The following SBF1 variants were observed in gnomAD, a reference collection of about 807,000 sequenced individuals.
SBF1 encodes myotubularin-related protein 5.
Under a neutral mutation model 215.8 loss-of-function variants are expected in SBF1, and 65 were observed. The observed-to-expected ratio is 0.30, with a 90% confidence interval of 0.25 to 0.37. The LOEUF (loss-of-function observed/expected upper bound fraction) is 0.37. Ranked by LOEUF, SBF1 falls within the 10% of genes least tolerant of loss-of-function variation. The pLI, the probability that SBF1 is intolerant of heterozygous loss-of-function variation, is 1.00. For synonymous variants in SBF1, 1,410 were observed against 1,122.8 expected, an observed-to-expected ratio of 1.26 and a Z score of -5.11; for missense variants, 2,634 against 2,667.8, an observed-to-expected ratio of 0.99 and a Z score of 0.28.
Position 50,454,819 on chromosome 22 carries a change from C to A in SBF1, c.4807G>T (p.Ala1603Ser). The change falls in exon 35 of 41, where the codon GCA becomes TCA. Residue 1603 changes from alanine (A) to serine (S), a missense_variant. Coordinates refer to ENST00000380817, the MANE Select transcript of SBF1 (RefSeq NM_002972.4). ...CGACCCAGGCCCCAGCTTACCTCTG[C>A]GTCCTCGGGCGCATACATGTAATTG... Reference protein sequence around the residue: ...FHNYMYAPEDAEVLRPYSNVS... With the variant: ...FHNYMYAPEDSEVLRPYSNVS... 1 of 1,613,844 alleles carries A rather than the reference C, an allele frequency of 6.2e-7. No individual in the cohort carries two copies. Among genetic ancestry groups the A allele is most frequent in the Non-Finnish European group, 8.5e-7 (1 of 1,179,908 alleles).
Position 50,467,368 on chromosome 22 carries a change from C to T in SBF1, c.519G>A (p.Thr173=), listed in dbSNP as rs760371445. 8.7e-6 allele frequency: 14 copies of T among 1,614,030 alleles called. No homozygotes were observed. The highest frequency in any genetic ancestry group is 2.7e-5 in the African/African-American group (2 of 74,940). ...CLENVIGNLL[T]CTVPLAGGSQ... ...AGCCCCCAGCCAGGGGCACAGTGCA[C>T]GTCAGCAGGTTCCCAATCACGTTCT... The change falls in exon 5 of 41, where the codon ACG becomes ACA. Residue 173 remains threonine, a synonymous_variant. Transcript: ENST00000380817.
Position 50,446,634 on chromosome 22 carries a change from CAA to C in SBF1, c.*506_*507del. The C allele has an allele frequency of 5.6e-6, 2 of 354,618 alleles. No individual in the cohort carries two copies. The highest frequency in any genetic ancestry group is 4.3e-5 in the South Asian group (2 of 46,644). The allele number at this position is 354,618 out of a possible 1,614,324, so 22.0% of individuals were successfully genotyped here. On this transcript the variant is annotated 3_prime_UTR_variant, in exon 41 of 41. Transcript: ENST00000380817. ...CCTCCTGCTCGATCCGCCCCCAGAG[CAA>C]AGTCACTCCCAGGGACATGCAGGCC...
rs1440815291 is a variant in SBF1, at chr22:50,466,692, C to A, written c.568G>T (p.Ala190Ser). 6 of 1,541,040 alleles carry A rather than the reference C, an allele frequency of 3.9e-6. No homozygotes were observed. Among genetic ancestry groups the A allele is most frequent in the Non-Finnish European group, 5.3e-6 (6 of 1,140,606 alleles). The change falls in exon 6 of 41, where the codon GCT becomes TCT. Residue 190 changes from alanine to serine, a missense_variant. By Grantham distance (99) the Ala-to-Ser change is moderately conservative. Transcript: ENST00000380817. The part of the protein sequence containing the change: ...GGSQRTISLG[A>S]GDRQVIQTPL... ...GTCTGGATGACCTGCCGGTCACCAG[C>A]CCCCAAAGAGATCGTCCTCTGCAGC...
At chr22:50,449,946 A>G (rs980475275) in intron 36 of SBF1, among the ~76,000 whole-genome samples, 13 of 152,286 alleles carry the variant, frequency 8.5e-5, no homozygotes, top group East Asian at 3.9e-4. Context: ...ATGGGACCAC[A>G]TAAGATGGGC....
intron 2 of SBF1, 23 bp downstream of exon 2, chr22:50,468,353 G>A (rs772391762): frequency 2.1e-5 from 33 of 1,607,996 alleles, no homozygotes; most frequent in Middle Eastern, 1.7e-4. Flanking sequence ...TGCCAGCACC[G>A]TCTCAGCACG....
chr22:50,457,957 GC>G (rs2067323709), intron 28 of SBF1, among the ~76,000 whole-genome samples: 1 of 152,350 alleles, frequency 6.6e-6, no homozygotes, highest in East Asian at 1.9e-4. Context: ...TGAGGACGCA[GC>G]ACCAGCCTGC....
At chr22:50,464,037 C>T (rs1046833417) in intron 15 of SBF1, among the ~76,000 whole-genome samples, 1 of 152,156 alleles carries the variant, frequency 6.6e-6, no homozygotes, top group Non-Finnish European at 1.5e-5. Context: ...ATGGGCCTAC[C>T]CAATTTAAGG....
Position 50,467,645 on chromosome 22 carries a change from C to G in SBF1, c.325G>C (p.Asp109His), listed in dbSNP as rs781132424. ...EDATEREEEG[D>H]EGGQTHLSPT... ...GACAGGTGGGTCTGGCCTCCCTCAT[C>G]CCCCTCTTCCTCCCTCTCTGTGGCA... The change falls in exon 4 of 41, where the codon GAT (aspartate) becomes CAT (histidine). Residue 109 changes from aspartate to histidine, a missense_variant. By Grantham distance (81) the Asp-to-His change is moderately conservative. Coordinates refer to ENST00000380817, the MANE Select transcript of SBF1 (RefSeq NM_002972.4). The G allele has an allele frequency of 6.2e-7, 1 of 1,613,858 alleles. No homozygotes were observed. Among genetic ancestry groups the G allele is most frequent in the Non-Finnish European group, 8.5e-7 (1 of 1,179,956 alleles).
At position 50,447,597 on chromosome 22, in the gene SBF1, G is replaced by A; in HGVS notation, c.5376C>T (p.Gly1792=). Residue 1792 remains glycine, a synonymous_variant, in exon 39 of 41, where the codon GGC becomes GGT. Coordinates refer to ENST00000380817, the MANE Select transcript of SBF1 (RefSeq NM_002972.4). ...TGAAGGCCCCCTTCTTGTACAGAGT[G>A]CCCTCGTAGGACCTGCATTTCCAGC... ...TAESENRSYE[G]TLYKKGAFMK... is the part of the protein sequence containing the mutation. The A allele has an allele frequency of 1.9e-6, 3 of 1,610,362 alleles. No individual in the cohort carries two copies. The highest frequency in any genetic ancestry group is 4.2e-4 in the Middle Eastern group (2 of 4,772).
Position 50,454,574 on chromosome 22 carries a change from C to A in SBF1, c.4981G>T (p.Val1661Leu). The A allele has an allele frequency of 6.2e-7, 1 of 1,611,670 alleles. No individual in the cohort carries two copies. The highest frequency in any genetic ancestry group is 8.5e-7 in the Non-Finnish European group (1 of 1,179,626). Reference sequence around the variant, plus strand: ...GGGCAGCTGTCGTAACAGGGCCACACCACGCGGCGCCTGCTCTGGGGAGCG... The same window carrying A: ...GGGCAGCTGTCGTAACAGGGCCACAACACGCGGCGCCTGCTCTGGGGAGCG... The part of the protein sequence containing the change: ...GGAPQSRRRV[V>L]WPCYDSCPRA... Residue 1661 changes from valine to leucine, a missense_variant, in exon 36 of 41, where the codon GTG becomes TTG. By Grantham distance (32) the Val-to-Leu change is conservative (BLOSUM62 1). Coordinates refer to ENST00000380817, the MANE Select transcript of SBF1 (RefSeq NM_002972.4).
chr22:50,473,379 G>C (rs1282300918), intron 1 of SBF1, among the ~76,000 whole-genome samples: 1 of 152,122 alleles, frequency 6.6e-6, no homozygotes, highest in Non-Finnish European at 1.5e-5. Context: ...AGGTGCCTCG[G>C]TGCAGACAGC....
rs771828627 is a variant in SBF1, at chr22:50,466,279, G to A, written c.789-21C>T. On this transcript the variant is annotated intron_variant, in intron 7 of 40. Transcript: ENST00000380817. ...TGAAGCTGTGCAGGCCCCAGAGGAT[G>A]CAGTGAGCCAGGGGACGCGGCTGGG... 7 of 1,613,308 alleles carry A rather than the reference G, an allele frequency of 4.3e-6. No homozygotes were observed. The South Asian group carries it at 7.7e-5, about 18-fold the overall frequency.
chr22:50,461,172 G>A lies in SBF1; in HGVS notation c.2954C>T (p.Ser985Phe). Residue 985 changes from serine (S) to phenylalanine (F), a missense_variant, in exon 23 of 41, where the codon TCC becomes TTC. Physicochemically the swap from Ser to Phe is radical, Grantham distance 155. Coordinates refer to ENST00000380817, the MANE Select transcript of SBF1 (RefSeq NM_002972.4). ...QLLQDGLQLR[S>F]CTFQLLKMAF... ...ACCGCGCCCCACCTGGAATGTGCAG[G>A]AGCGCAGCTGGAGCCCGTCCTGCAG... 1 of 1,607,062 alleles carries A rather than the reference G, an allele frequency of 6.2e-7. No individual in the cohort carries two copies. Among genetic ancestry groups the A allele is most frequent in the Non-Finnish European group, 8.5e-7 (1 of 1,176,164 alleles).
Position 50,467,620 on chromosome 22 carries a change from G to C in SBF1, c.350C>G (p.Ser117Cys), listed in dbSNP as rs1569514103. The change falls in exon 4 of 41, where the codon TCT (serine) becomes TGT (cysteine). Residue 117 changes from serine to cysteine, a missense_variant. By Grantham distance (112) the Ser-to-Cys change is moderately radical (BLOSUM62 -1). Transcript: ENST00000380817. ...EGDEGGQTHL[S>C]PTAPAPSAQL... ...GGCAGATGGGGCAGGTGCTGTGGGA[G>C]ACAGGTGGGTCTGGCCTCCCTCATC... 2 of 1,614,020 alleles carry C rather than the reference G, an allele frequency of 1.2e-6. No individual in the cohort carries two copies. The highest frequency in any genetic ancestry group is 1.3e-5 in the African/African-American group (1 of 75,008).
At chr22:50,465,671 G>A in intron 10 of SBF1, 92 bp downstream of exon 10, 1 of 1,226,304 alleles carries the variant, frequency 8.2e-7, no homozygotes, top group Non-Finnish European at 1.1e-6. Flanking sequence ...GGCCAGCCTG[G>A]GGGTGGGGCC....
Position 50,464,706 on chromosome 22 carries a change from C to T in SBF1, c.1464G>A (p.Lys488=), listed in dbSNP as rs1180089266. ...GGCTGCTCTCACCGGGCCTCTGTAC[C>T]TTGTGCATCGCCACGGCTGGGTACG... ...ENPYPAVAMH[K]VQRPGESSHL... Residue 488 remains lysine (K), a synonymous_variant, in exon 14 of 41, where the codon AAG becomes AAA. Transcript: ENST00000380817. 4 of 1,607,442 alleles carry T rather than the reference C, an allele frequency of 2.5e-6. No homozygotes were observed. Among genetic ancestry groups the T allele is most frequent in the South Asian group, 1.1e-5 (1 of 90,894 alleles).
At chr22:50,468,910 C>T (rs1281175603) in intron 1 of SBF1, among the ~76,000 whole-genome samples, 1 of 152,142 alleles carries the variant, frequency 6.6e-6, no homozygotes, top group African/African-American at 2.4e-5. Flanking sequence ...GGACTCAAAC[C>T]TGCTGTCTGT....
rs1338105727 is a variant in SBF1, at chr22:50,459,367, G to A, written c.3714C>T (p.Ser1238=). 5 of 1,612,456 alleles carry A rather than the reference G, an allele frequency of 3.1e-6. No individual in the cohort carries two copies. The highest frequency in any genetic ancestry group is 4.5e-5 in the East Asian group (2 of 44,856). ...CCTGCAGGTACTTCTCCTGCTCCAGGCTACTCGAGTCCGCCTGGGACTGGC... is the reference window on the plus strand; with the variant it reads ...CCTGCAGGTACTTCTCCTGCTCCAGACTACTCGAGTCCGCCTGGGACTGGC... ...SPGQSQADSS[S]LEQEKYLQAV... The change falls in exon 28 of 41, where the codon AGC becomes AGT. Residue 1238 remains serine, a synonymous_variant. Coordinates refer to ENST00000380817, the MANE Select transcript of SBF1 (RefSeq NM_002972.4).
Position 50,462,436 on chromosome 22 carries a change from G to C in SBF1, c.2165C>G (p.Ser722Cys). 1 of 1,613,984 alleles carries C rather than the reference G, an allele frequency of 6.2e-7. No homozygotes were observed. The highest frequency in any genetic ancestry group is 8.5e-7 in the Non-Finnish European group (1 of 1,179,994). Residue 722 changes from serine (S) to cysteine (C), a missense_variant, in exon 19 of 41, where the codon TCT (serine) becomes TGT (cysteine). By Grantham distance (112) the Ser-to-Cys change is moderately radical (BLOSUM62 -1). Coordinates refer to ENST00000380817, the MANE Select transcript of SBF1 (RefSeq NM_002972.4). ...CTGCTCAGAAGCCACGTCTAGGGCA[G>C]AGCGCTCGTCCTCCTGGGAAGGTGC... The part of the protein sequence containing the change: ...GEAPSQEDER[S>C]ALDVASEQRR...
Sources: allele counts gnomAD v4.1 joint callset (sites outside exome capture counted in the v4.1 genomes callset), GRCh38; gene constraint gnomAD v4.1.1; transcripts MANE v1.5; gene names NCBI Gene and HGNC (gene_info 2026-07-23, HGNC 2026-07-21).